The following TENM3 variants were observed in gnomAD, a reference collection of about 807,000 sequenced individuals.
The protein encoded by TENM3 is teneurin transmembrane protein 3.
In TENM3, 63 loss-of-function variants were observed where a neutral mutation model predicts 255.1. That is an observed-to-expected ratio of 0.25 (90% confidence interval 0.20 to 0.30). TENM3 has a LOEUF of 0.30. Ranked by LOEUF, TENM3 falls within the 10% of genes least tolerant of loss-of-function variation. The pLI, the probability that TENM3 is intolerant of heterozygous loss-of-function variation, is 1.00. For missense variants in TENM3, 2,929 were observed against 3,461.1 expected (o/e 0.85, Z 3.86); for synonymous variants, 1,306 against 1,322.3 (o/e 0.99, Z 0.27).
chr4:182,360,900 CT>C (rs1765923758), intron 3 of TENM3, among the ~76,000 whole-genome samples: 2 of 151,992 alleles, frequency 1.3e-5, no homozygotes, highest in Admixed American at 1.3e-4. Flanking sequence ...TTCAGGAGCT[CT>C]TTTAGGGCAG....
At chr4:182,362,557 T>G (rs959296027) in intron 3 of TENM3, among the ~76,000 whole-genome samples, 1 of 149,570 alleles carries the variant, frequency 6.7e-6, no homozygotes, top group Admixed American at 6.7e-5. Flanking sequence ...TGGTGCGCCG[T>G]TTTTTTAAGC....
At chr4:182,591,213 T>C (rs998567636) in intron 3 of TENM3, among the ~76,000 whole-genome samples, 2 of 152,102 alleles carry the variant, frequency 1.3e-5, no homozygotes, top group African/African-American at 4.8e-5. Flanking sequence ...CCGCATTGTC[T>C]GAAATAGAAA....
chr4:181,919,817 T>A, the TENM3 span, among the ~76,000 whole-genome samples: 10 of 151,658 alleles, frequency 6.6e-5, no homozygotes, highest in Non-Finnish European at 1.3e-4. Context: ...TGTGCCATGC[T>A]GGTGTGCTGC....
chr4:181,730,202 C>T, the TENM3 span, among the ~76,000 whole-genome samples: 2 of 152,110 alleles, frequency 1.3e-5, no homozygotes, highest in Non-Finnish European at 2.9e-5. Flanking sequence ...AGCCCATGTG[C>T]ACTTTGGGGC....
chr4:182,745,702 T>A (rs1489670975), intron 19 of TENM3, among the ~76,000 whole-genome samples: 1 of 152,042 alleles, frequency 6.6e-6, no homozygotes, highest in Admixed American at 6.5e-5. Flanking sequence ...ACACAGCCGG[T>A]TTTTCTGTGT....
the TENM3 span, among the ~76,000 whole-genome samples, chr4:181,556,498 T>G: frequency 1.3e-5 from 2 of 152,190 alleles, no homozygotes; most frequent in African/African-American, 2.4e-5. Flanking sequence ...AACTAGATAT[T>G]AAGAATCAAG....
At chr4:181,907,928 G>A in the TENM3 span, among the ~76,000 whole-genome samples, 17 of 152,036 alleles carry the variant, frequency 1.1e-4, no homozygotes, top group Non-Finnish European at 2.5e-4. Context: ...AACTAGAACC[G>A]GCATCATATA....
the TENM3 span, among the ~76,000 whole-genome samples, chr4:182,038,343 GA>G: frequency 6.6e-6 from 1 of 152,002 alleles, no homozygotes; most frequent in Non-Finnish European, 1.5e-5. Flanking sequence ...TGTAATTTAG[GA>G]TTTCAAATTA....
intron 5 of TENM3, 36 bp from the exon 6 acceptor site, chr4:182,653,735 G>T (rs940503933): frequency 6.4e-7 from 1 of 1,567,974 alleles, no homozygotes; most frequent in Non-Finnish European, 8.7e-7. Flanking sequence ...GCTGAAGGCA[G>T]CAGATCTTTA....
At chr4:181,897,377 T>G in the TENM3 span, among the ~76,000 whole-genome samples, 1 of 152,164 alleles carries the variant, frequency 6.6e-6, no homozygotes, top group Admixed American at 6.6e-5. Flanking sequence ...GTGTTATTAG[T>G]CAAAAGAAGA....
intron 12 of TENM3, among the ~76,000 whole-genome samples, chr4:182,700,186 A>G (rs1757741729): frequency 6.6e-6 from 1 of 152,146 alleles, no homozygotes; most frequent in Non-Finnish European, 1.5e-5. Flanking sequence ...AATATTCCTT[A>G]TATGCTGAGA....
At chr4:181,582,724 G>T in the TENM3 span, among the ~76,000 whole-genome samples, 2 of 151,540 alleles carry the variant, frequency 1.3e-5, no homozygotes, top group Admixed American at 1.3e-4. Context: ...TTTGCGGTTA[G>T]TGAGAAAGAA....
chr4:182,609,200 C>A (rs925997049), intron 4 of TENM3, among the ~76,000 whole-genome samples: 1 of 152,192 alleles, frequency 6.6e-6, no homozygotes, highest in Non-Finnish European at 1.5e-5. Flanking sequence ...GCTATGCAGT[C>A]TACCCACCTG....
the TENM3 span, among the ~76,000 whole-genome samples, chr4:181,983,888 G>A: frequency 6.6e-6 from 1 of 152,058 alleles, no homozygotes; most frequent in South Asian, 2.1e-4. Flanking sequence ...ATAAAATAAT[G>A]CAGTGTTTTA....
chr4:181,641,849 A>G, the TENM3 span, among the ~76,000 whole-genome samples: 5 of 95,140 alleles, frequency 5.3e-5, no homozygotes, highest in Non-Finnish European at 8.1e-5. Flanking sequence ...TATATGCCAC[A>G]TTTTCTTTAT....
the TENM3 span, among the ~76,000 whole-genome samples, chr4:181,728,718 T>C: frequency 6.6e-6 from 1 of 152,168 alleles, no homozygotes; most frequent in African/African-American, 2.4e-5. Context: ...CTTTGTGACC[T>C]GTATCTTGTG....
intron 1 of TENM3, among the ~76,000 whole-genome samples, chr4:182,149,632 C>T (rs370921820): frequency 3.3e-5 from 5 of 151,942 alleles, no homozygotes; most frequent in African/African-American, 2.4e-5. Flanking sequence ...GAGCTAGGAT[C>T]GGGTAGCACT....
the TENM3 span, among the ~76,000 whole-genome samples, chr4:181,457,165 G>T: frequency 1.3e-5 from 2 of 151,734 alleles, no homozygotes; most frequent in African/African-American, 4.8e-5. Context: ...AGAAAAACCT[G>T]ATTTTAAAAT....
the TENM3 span, among the ~76,000 whole-genome samples, chr4:181,801,509 C>G: frequency 6.6e-6 from 1 of 151,840 alleles, no homozygotes; most frequent in East Asian, 1.9e-4. Flanking sequence ...TAGAGGAGAT[C>G]AAAAGAGATG....
Sources: gnomAD v4.1 joint callset for allele counts (sites outside exome capture counted in the v4.1 genomes callset) on GRCh38, gnomAD v4.1.1 for gene constraint, MANE v1.5 for transcripts, NCBI Gene and HGNC (gene_info 2026-07-23, HGNC 2026-07-21) for gene names.